Variants in PLCXD3 observed in about 807,000 individuals in gnomAD.
PLCXD3 encodes the protein PI-PLC X domain-containing protein 3.
A neutral mutation model predicts 25.5 loss-of-function variants in PLCXD3; 19 were observed. The ratio of observed to expected loss-of-function variants is 0.75; its 90% CI spans 0.52 to 1.09. The LOEUF is 1.09. PLCXD3 is among the 50% of genes least tolerant of loss of function. The pLI is 0.00. For synonymous variants in PLCXD3, 174 were observed against 137.6 expected (o/e 1.26, Z -1.85); for missense variants, 411 against 388.1 (o/e 1.06, Z -0.50).
intron 1 of PLCXD3, among the ~76,000 whole-genome samples, chr5:41,457,028 A>G (rs1231558724): frequency 6.6e-6 from 1 of 151,910 alleles, no homozygotes; most frequent in Non-Finnish European, 1.5e-5. Flanking sequence ...TAACAGGAAA[A>G]CATACATACC....
intron 2 of PLCXD3, among the ~76,000 whole-genome samples, chr5:41,328,708 C>T (rs905210605): frequency 2.0e-5 from 3 of 152,136 alleles, no homozygotes; most frequent in Non-Finnish European, 4.4e-5. Context: ...GAAAACCTCC[C>T]TCCTTCAAAG....
chr5:41,318,146 A>C (rs1174523118), intron 2 of PLCXD3, among the ~76,000 whole-genome samples: 1 of 152,208 alleles, frequency 6.6e-6, no homozygotes, highest in African/African-American at 2.4e-5. Flanking sequence ...ACAAAAGCTG[A>C]GGGATTTCAT....
intron 1 of PLCXD3, among the ~76,000 whole-genome samples, chr5:41,486,520 C>G (rs7701847): frequency 6.6e-6 from 1 of 152,060 alleles, no homozygotes; most frequent in Non-Finnish European, 1.5e-5. Flanking sequence ...TCTTTACTCT[C>G]CATCTTCACA....
chr5:41,325,276 A>G (rs191793228), intron 2 of PLCXD3, among the ~76,000 whole-genome samples: 6 of 152,336 alleles, frequency 3.9e-5, no homozygotes, highest in Admixed American at 3.9e-4. Context: ...TCCTAAAGTC[A>G]ATATGATACC....
At chr5:41,390,510 T>C (rs1745779571) in intron 1 of PLCXD3, among the ~76,000 whole-genome samples, 1 of 152,144 alleles carries the variant, frequency 6.6e-6, no homozygotes. Context: ...ATGGTACCAA[T>C]GCTTGGTAAT....
intron 1 of PLCXD3, among the ~76,000 whole-genome samples, chr5:41,436,393 T>A (rs1747255951): frequency 6.6e-6 from 1 of 152,174 alleles, no homozygotes; most frequent in South Asian, 2.1e-4. Flanking sequence ...AGTTACTTAA[T>A]GTCTCTAAGC....
intron 1 of PLCXD3, among the ~76,000 whole-genome samples, chr5:41,506,443 T>A (rs1749052935): frequency 6.6e-6 from 1 of 152,222 alleles, no homozygotes; most frequent in South Asian, 2.1e-4. Context: ...TTTTTTACTG[T>A]CTTGAAAGAT....
intron 1 of PLCXD3, among the ~76,000 whole-genome samples, chr5:41,480,090 C>T (rs548123707): frequency 1.6e-4 from 25 of 152,240 alleles, no homozygotes; most frequent in African/African-American, 3.6e-4. Context: ...TAGAGGGATA[C>T]GAGCTGAAGC....
intron 2 of PLCXD3, among the ~76,000 whole-genome samples, chr5:41,332,289 G>T (rs1182142342): frequency 6.6e-6 from 1 of 152,126 alleles, no homozygotes; most frequent in Admixed American, 6.5e-5. Flanking sequence ...CAAAGGACAT[G>T]AACAGATACT....
intron 1 of PLCXD3, among the ~76,000 whole-genome samples, chr5:41,458,322 A>G (rs1747802066): frequency 6.6e-6 from 1 of 151,938 alleles, no homozygotes. Flanking sequence ...CTCTAGTAAA[A>G]GTGAAAGATT....
intron 1 of PLCXD3, among the ~76,000 whole-genome samples, chr5:41,468,081 G>A: frequency 8.6e-6 from 1 of 116,494 alleles, no homozygotes; most frequent in East Asian, 2.8e-4. Flanking sequence ...GCAATTGCAT[G>A]ATCTTGGTTC....
intron 1 of PLCXD3, among the ~76,000 whole-genome samples, chr5:41,451,316 T>C (rs1031037808): frequency 1.1e-4 from 16 of 152,042 alleles, no homozygotes; most frequent in Non-Finnish European, 1.9e-4. Context: ...ACCAGGAATG[T>C]TTGGAATATT....
intron 1 of PLCXD3, among the ~76,000 whole-genome samples, chr5:41,440,651 G>T (rs572944785): frequency 3.9e-5 from 6 of 152,158 alleles, no homozygotes; most frequent in Non-Finnish European, 8.8e-5. Flanking sequence ...ATAGAGGAGT[G>T]TGTGGCATAT....
At chr5:41,378,183 C>A (rs1580336001) in intron 2 of PLCXD3, among the ~76,000 whole-genome samples, 1 of 152,042 alleles carries the variant, frequency 6.6e-6, no homozygotes, top group African/African-American at 2.4e-5. Context: ...CAAGGCATGA[C>A]CCCAGAGCTG....
At chr5:41,385,176 A>G (rs1354232762) in intron 1 of PLCXD3, among the ~76,000 whole-genome samples, 2 of 152,128 alleles carry the variant, frequency 1.3e-5, no homozygotes, top group South Asian at 2.1e-4. Flanking sequence ...TGAGAGGAAA[A>G]GCCTAACCTC....
chr5:41,496,750 C>T (rs571411579), intron 1 of PLCXD3, among the ~76,000 whole-genome samples: 29 of 150,712 alleles, frequency 1.9e-4, no homozygotes, highest in African/African-American at 6.8e-4. Flanking sequence ...GCGTAGGTAA[C>T]TATGTAACTT....
intron 1 of PLCXD3, among the ~76,000 whole-genome samples, chr5:41,400,591 A>G (rs565534752): frequency 6.6e-6 from 1 of 152,104 alleles, no homozygotes; most frequent in Admixed American, 6.6e-5. Flanking sequence ...TGGGCACAGA[A>G]AGACAAACAC....
chr5:41,368,537 T>A (rs1009696383), intron 2 of PLCXD3, among the ~76,000 whole-genome samples: 1 of 152,178 alleles, frequency 6.6e-6, no homozygotes, highest in African/African-American at 2.4e-5. Flanking sequence ...TTCTTTCTCT[T>A]GCCTGGTTGC....
intron 2 of PLCXD3, among the ~76,000 whole-genome samples, chr5:41,352,135 C>T (rs1168836637): frequency 3.3e-5 from 5 of 152,158 alleles, no homozygotes; most frequent in Non-Finnish European, 7.4e-5. Context: ...AACTGTGTTT[C>T]CTTTATCAAT....
Sources: gnomAD v4.1 joint callset for allele counts (sites outside exome capture counted in the v4.1 genomes callset) on GRCh38, gnomAD v4.1.1 for gene constraint, MANE v1.5 for transcripts, NCBI Gene and HGNC (gene_info 2026-07-23, HGNC 2026-07-21) for gene names.